Variants in CDH13 observed in about 807,000 individuals in gnomAD.
CDH13 encodes cadherin-13.
CDH13 carries 24 observed loss-of-function variants against 63.8 expected under a neutral mutation model. The ratio of observed to expected loss-of-function variants is 0.38; its 90% CI spans 0.27 to 0.53. The LOEUF is 0.53. Among genes scored for constraint, CDH13 ranks in the 20% least tolerant of loss-of-function variants. The probability of loss-of-function intolerance (pLI) is 0.85; values close to 1 mark genes in which losing one functional copy is unlikely to be tolerated. For synonymous variants in CDH13, 503 were observed against 355.3 expected (o/e 1.42, Z -4.67); for missense variants, 1,049 against 903.1 (o/e 1.16, Z -2.07).
intron 6 of CDH13, among the ~76,000 whole-genome samples, chr16:83,351,287 T>C (rs2090946765): frequency 1.3e-5 from 2 of 151,852 alleles, no homozygotes; most frequent in African/African-American, 2.4e-5. Flanking sequence ...TTTCTTTTTT[T>C]TTTTTTTTTC....
chr16:83,618,137 ACTTGCGGCC>A (rs1316825013), intron 8 of CDH13, among the ~76,000 whole-genome samples: 8 of 134,292 alleles, frequency 6.0e-5, no homozygotes, highest in African/African-American at 2.9e-4. Context: ...GTTGCAAAGC[ACTTGCGGCC>A]AGGCATGGTG....
chr16:83,426,940 GA>G (rs2071927246), intron 6 of CDH13, among the ~76,000 whole-genome samples: 2 of 8,650 alleles, frequency 2.3e-4, no homozygotes, highest in Admixed American at 1.3e-3. Context: ...TTTTTTTTTT[GA>G]AGACGGAGTC....
At chr16:83,685,032 C>G (rs536757055) in intron 10 of CDH13, among the ~76,000 whole-genome samples, 1 of 152,154 alleles carries the variant, frequency 6.6e-6, no homozygotes, top group Non-Finnish European at 1.5e-5. Context: ...GTTATGGTTG[C>G]TAGTGCTCCA....
chr16:83,517,353 C>G (rs185399817), intron 7 of CDH13, among the ~76,000 whole-genome samples: 1 of 152,190 alleles, frequency 6.6e-6, no homozygotes, highest in South Asian at 2.1e-4. Context: ...GTAGGCATAG[C>G]GCAACAAAGT....
intron 6 of CDH13, among the ~76,000 whole-genome samples, chr16:83,430,470 T>C (rs2072064284): frequency 1.3e-5 from 2 of 152,220 alleles, no homozygotes; most frequent in South Asian, 4.1e-4. Context: ...ACTTCCACTT[T>C]ATTCTTTAAC....
intron 7 of CDH13, among the ~76,000 whole-genome samples, chr16:83,499,953 C>T (rs1025112404): frequency 6.6e-5 from 10 of 152,134 alleles, no homozygotes; most frequent in African/African-American, 2.4e-4. Context: ...CAGGCGCCTG[C>T]CACCACGCGC....
At chr16:82,965,932 G>C (rs1907739940) in intron 2 of CDH13, among the ~76,000 whole-genome samples, 2 of 152,186 alleles carry the variant, frequency 1.3e-5, no homozygotes, top group African/African-American at 4.8e-5. Flanking sequence ...CTGCCCAGTG[G>C]AGAAAAAGTG....
At chr16:83,358,220 A>G (rs1247568709) in intron 6 of CDH13, among the ~76,000 whole-genome samples, 2 of 152,162 alleles carry the variant, frequency 1.3e-5, no homozygotes, top group African/African-American at 2.4e-5. Flanking sequence ...ACAAGCTAGA[A>G]GCAGGGGTCT....
intron 4 of CDH13, among the ~76,000 whole-genome samples, chr16:83,165,512 G>C (rs569495983): frequency 6.6e-6 from 1 of 152,088 alleles, no homozygotes; most frequent in Non-Finnish European, 1.5e-5. Context: ...GCAGAGGAGG[G>C]TGCTAAGTTC....
intron 2 of CDH13, among the ~76,000 whole-genome samples, chr16:82,960,597 C>T (rs1289118506): frequency 6.6e-6 from 1 of 152,108 alleles, no homozygotes; most frequent in African/African-American, 2.4e-5. Flanking sequence ...CTTTTTTCAC[C>T]TTCTGGGCTT....
intron 7 of CDH13, among the ~76,000 whole-genome samples, chr16:83,600,831 T>C (rs1907717744): frequency 1.3e-5 from 2 of 152,134 alleles, no homozygotes; most frequent in Non-Finnish European, 2.9e-5. Flanking sequence ...AGGAGTGGCA[T>C]GATGAAGCGG....
chr16:82,985,769 A>C (rs530014927), intron 2 of CDH13, among the ~76,000 whole-genome samples: 29 of 152,312 alleles, frequency 1.9e-4, no homozygotes, highest in African/African-American at 6.7e-4. Context: ...TGACTGGAGC[A>C]TGGGGACAGA....
intron 7 of CDH13, among the ~76,000 whole-genome samples, chr16:83,552,236 G>T (rs1258451143): frequency 6.6e-6 from 1 of 152,184 alleles, no homozygotes; most frequent in Non-Finnish European, 1.5e-5. Flanking sequence ...TATTCTCTTG[G>T]TCCTGGGGAT....
At chr16:83,400,390 T>A (rs552096617) in intron 6 of CDH13, among the ~76,000 whole-genome samples, 4 of 152,180 alleles carry the variant, frequency 2.6e-5, no homozygotes, top group Admixed American at 2.0e-4. Flanking sequence ...AGCCTATGGG[T>A]TGGGACGGCT....
chr16:83,367,464 A>G (rs1166824012), intron 6 of CDH13, among the ~76,000 whole-genome samples: 1 of 152,190 alleles, frequency 6.6e-6, no homozygotes, highest in Non-Finnish European at 1.5e-5. Context: ...ATTTTTGTGT[A>G]AGTTTCCTGT....
At chr16:83,610,939 TC>T (rs1220669532) in intron 8 of CDH13, among the ~76,000 whole-genome samples, 1 of 152,196 alleles carries the variant, frequency 6.6e-6, no homozygotes, top group East Asian at 1.9e-4. Flanking sequence ...CTATATATTT[TC>T]CCCAACATTT....
intron 5 of CDH13, among the ~76,000 whole-genome samples, chr16:83,238,121 A>G (rs1438038420): frequency 6.6e-6 from 1 of 152,100 alleles, no homozygotes; most frequent in African/African-American, 2.4e-5. Context: ...TTTTCCTACA[A>G]GTTCGTCCAT....
chr16:83,612,901 T>A (rs1439940341), intron 8 of CDH13, among the ~76,000 whole-genome samples: 1 of 152,192 alleles, frequency 6.6e-6, no homozygotes, highest in Non-Finnish European at 1.5e-5. Context: ...TTATTATTTA[T>A]TTATCCCTGT....
chr16:82,956,907 G>A (rs568552467), intron 2 of CDH13, among the ~76,000 whole-genome samples: 1 of 152,338 alleles, frequency 6.6e-6, no homozygotes, highest in East Asian at 1.9e-4. Context: ...TCAAGTGATG[G>A]TTCAGGCAGG....
Sources: gnomAD v4.1 joint callset for allele counts (sites outside exome capture counted in the v4.1 genomes callset) on GRCh38, gnomAD v4.1.1 for gene constraint, MANE v1.5 for transcripts, NCBI Gene and HGNC (gene_info 2026-07-23, HGNC 2026-07-21) for gene names.